The following PPFIA3 variants were observed in gnomAD, a reference collection of about 807,000 sequenced individuals.
PPFIA3 encodes the protein liprin-alpha-3.
In PPFIA3, 26 loss-of-function variants were observed where a neutral mutation model predicts 145.8. That is an observed-to-expected ratio of 0.18 (90% CI 0.13 to 0.25). The LOEUF (loss-of-function observed/expected upper bound fraction) is 0.25, where lower values mean the gene tolerates loss of function less well. Ranked by LOEUF, PPFIA3 falls within the 10% of genes least tolerant of loss-of-function variation. PPFIA3 has a pLI of 1.00. For synonymous variants in PPFIA3, 645 were observed against 661.4 expected, an observed-to-expected ratio of 0.98 and a Z score of 0.38; for missense variants, 1,008 against 1,587.8, an observed-to-expected ratio of 0.63 and a Z score of 6.21.
intron 13 of PPFIA3, among the ~76,000 whole-genome samples, chr19:49,135,218 T>C (rs990437457): frequency 3.3e-5 from 5 of 151,834 alleles, no homozygotes; most frequent in South Asian, 2.1e-4. Flanking sequence ...ATTTTTGTAG[T>C]TTTAGTAGAC....
chr19:49,145,806 C>G (rs2041272970), intron 21 of PPFIA3, 137 bp from the exon 22 acceptor site: 2 of 765,136 alleles, frequency 2.6e-6, no homozygotes, highest in East Asian at 2.5e-5. Context: ...AGAATCATTC[C>G]TTTTCTCTGT....
chr19:49,150,281 C>G lies in PPFIA3; in HGVS notation c.*59C>G, dbSNP rs2041331990. On this transcript the variant is annotated 3_prime_UTR_variant, in exon 30 of 30. Coordinates refer to ENST00000334186, the MANE Select transcript of PPFIA3 (RefSeq NM_003660.4). ...GAATCTTCCCGAGGCTGGGCTGTTC[C>G]CTCTCCTGCCCGGACTGTGGCCTCG... The G allele has an allele frequency of 1.1e-6, 1 of 883,848 alleles. No homozygotes were observed. The highest frequency in any genetic ancestry group is 1.7e-5 in the African/African-American group (1 of 59,404). 54.8% of individuals were successfully genotyped at this position (883,848 alleles called of 1,614,324 possible). A position where few individuals can be genotyped will look rare whatever the true frequency, so the allele number is the denominator to read the frequency against.
At chr19:49,142,329 T>A (rs1054110030) in intron 20 of PPFIA3, among the ~76,000 whole-genome samples, 6 of 152,154 alleles carry the variant, frequency 3.9e-5, no homozygotes, top group African/African-American at 1.4e-4. Context: ...CACTCTGGCC[T>A]TGCCCACCTG....
rs773476760 is a variant in PPFIA3 at position 49,128,050 on chromosome 19, G to A, written c.177G>A (p.Arg59=). The A allele has an allele frequency of 2.0e-5, 32 of 1,594,902 alleles. No individual in the cohort carries two copies. The highest frequency in any genetic ancestry group is 2.5e-5 in the Non-Finnish European group (30 of 1,178,244). Residue 59 remains arginine (R), a synonymous_variant, in exon 2 of 30, where the codon CGG becomes CGA. Coordinates refer to ENST00000334186, the MANE Select transcript of PPFIA3 (RefSeq NM_003660.4). This position sits in a 1 kb window ranked among gnomAD's most constrained non-coding sequence, Gnocchi z 4.1. ...AQDGLATAQL[R]LRELGHEKDS... ...ACGGGTTGGCTACAGCGCAGCTGCG[G>A]CTGCGCGAGCTCGGCCACGAGAAGG... is the stretch of plus-strand genomic sequence containing the variant.
At chr19:49,124,849 A>G (rs1215816520) in intron 1 of PPFIA3, among the ~76,000 whole-genome samples, 1 of 152,010 alleles carries the variant, frequency 6.6e-6, no homozygotes, top group Non-Finnish European at 1.5e-5. Flanking sequence ...GTGGATCACG[A>G]GGTCAGGAGA....
chr19:49,128,783 CTT>C lies in PPFIA3; in HGVS notation c.343-61_343-60del. Reference sequence around the variant, plus strand: ...CCATGTGTCCGCCCTACCTGTCACCCTTTTTCTCACATCTGCCCCTTTTCCCT... The same window carrying C: ...CCATGTGTCCGCCCTACCTGTCACCCTTTCTCACATCTGCCCCTTTTCCCT... On this transcript the variant is annotated intron_variant, in intron 3 of 29. Coordinates refer to ENST00000334186, the MANE Select transcript of PPFIA3 (RefSeq NM_003660.4). This position sits in a 1 kb window ranked among gnomAD's most constrained non-coding sequence, Gnocchi z 4.1. 1 of 1,448,658 alleles carries C rather than the reference CTT, an allele frequency of 6.9e-7. No homozygotes were observed. The highest frequency in any genetic ancestry group is 9.3e-7 in the Non-Finnish European group (1 of 1,075,000). The allele number at this position is 1,448,658 out of a possible 1,614,324, so 89.7% of individuals were successfully genotyped here.
chr19:49,128,577 C>G lies in PPFIA3; in HGVS notation c.342+109C>G, dbSNP rs998820404. 3.8e-6 allele frequency: 4 copies of G among 1,054,214 alleles called. No individual in the cohort carries two copies. Among genetic ancestry groups the G allele is most frequent in the Non-Finnish European group, 5.6e-6 (4 of 711,594 alleles). The allele number at this position is 1,054,214 out of a possible 1,614,324, so 65.3% of individuals were successfully genotyped here. On this transcript the variant is annotated intron_variant, in intron 3 of 29. Transcript: ENST00000334186. This position sits in a 1 kb window ranked among gnomAD's most constrained non-coding sequence, Gnocchi z 4.1. ...CGTGACCTATTTTTTTCCCCCATCTCGCCTTTCTGTCTTCTCCTCTTCCCT... is the reference window on the plus strand; with the variant it reads ...CGTGACCTATTTTTTTCCCCCATCTGGCCTTTCTGTCTTCTCCTCTTCCCT...
chr19:49,150,264 C>A lies in PPFIA3; in HGVS notation c.*42C>A. The A allele has an allele frequency of 9.6e-7, 1 of 1,036,638 alleles. No individual in the cohort carries two copies. Among genetic ancestry groups the A allele is most frequent in the Non-Finnish European group, 1.4e-6 (1 of 715,310 alleles). The allele number at this position is 1,036,638 out of a possible 1,614,324, so 64.2% of individuals were successfully genotyped here. A position where few individuals can be genotyped will look rare whatever the true frequency, so the allele number is the denominator to read the frequency against. On this transcript the variant is annotated 3_prime_UTR_variant, in exon 30 of 30. Coordinates refer to ENST00000334186, the MANE Select transcript of PPFIA3 (RefSeq NM_003660.4). ...ACCTCACTCGGACGGAAGAATCTTC[C>A]CGAGGCTGGGCTGTTCCCTCTCCTG...
chr19:49,150,095 G>T lies in PPFIA3; in HGVS notation c.3542G>T (p.Ser1181Ile). The T allele has an allele frequency of 6.2e-7, 1 of 1,610,658 alleles. No homozygotes were observed. Among genetic ancestry groups the T allele is most frequent in the Non-Finnish European group, 8.5e-7 (1 of 1,178,822 alleles). Reference protein sequence around the residue: ...KLQPEGQTSGSSRADGVSVRT... With the variant: ...KLQPEGQTSGISRADGVSVRT... ...CTCCCTCCAGGCCAGACTTCTGGGAGTTCCCGGGCAGACGGCGTTTCGGTC... is the reference window on the plus strand; with the variant it reads ...CTCCCTCCAGGCCAGACTTCTGGGATTTCCCGGGCAGACGGCGTTTCGGTC... The change falls in exon 29 of 30, where the codon AGT becomes ATT. Residue 1181 changes from serine (S) to isoleucine (I), a missense_variant. Coordinates refer to ENST00000334186, the MANE Select transcript of PPFIA3 (RefSeq NM_003660.4).
chr19:49,143,051 G>C, intron 21 of PPFIA3, 47 bp downstream of exon 21: 1 of 1,578,138 alleles, frequency 6.3e-7, no homozygotes, highest in South Asian at 1.1e-5. Context: ...TCAGAGCCCC[G>C]CCTCTTGCCC....
intron 18 of PPFIA3, among the ~76,000 whole-genome samples, chr19:49,141,090 A>G (rs1437670536): frequency 1.3e-5 from 2 of 152,180 alleles, no homozygotes; most frequent in Non-Finnish European, 2.9e-5. Context: ...TGGTAGCTTG[A>G]AATTGGCCAT....
Position 49,138,926 on chromosome 19 carries a change from G to T in PPFIA3, c.2076+499G>T, listed in dbSNP as rs2122605435. On this transcript the variant is annotated intron_variant, in intron 16 of 29. Transcript: ENST00000334186. ...GCAGAGTTTGCAGTGAGTTGAAATT[G>T]TGCCACTGCACTCCAACCTGGGAGA... is the stretch of plus-strand genomic sequence containing the variant. Among the ~76,000 whole-genome samples the T allele has an allele frequency of 1.3e-5, 2 of 151,834 alleles. 1 individual carries two copies. The highest frequency in any genetic ancestry group is 4.2e-4 in the South Asian group (2 of 4,810).
chr19:49,129,335 C>T (rs1281431967), intron 4 of PPFIA3, 45 bp from the exon 5 acceptor site: 1 of 1,542,380 alleles, frequency 6.5e-7, no homozygotes, highest in Admixed American at 2.0e-5. Flanking sequence ...CTGTCCTAAA[C>T]TGGATCTTGT....
rs539850901 is a variant in PPFIA3, at chr19:49,129,755, A to G, written c.583-238A>G. On this transcript the variant is annotated intron_variant, in intron 5 of 29. Coordinates refer to ENST00000334186, the MANE Select transcript of PPFIA3 (RefSeq NM_003660.4). ...TGGGGAAAAGCGGGGCTAAAGCGGAAACTTTGTCCAGGAGGCTAAGGGGAA... is the reference window on the plus strand; with the variant it reads ...TGGGGAAAAGCGGGGCTAAAGCGGAGACTTTGTCCAGGAGGCTAAGGGGAA... 1.2e-4 allele frequency among the ~76,000 whole-genome samples: 18 copies of G among 152,278 alleles called. No homozygotes were observed. The East Asian group carries it at 2.7e-3, about 23-fold the overall frequency.
intron 1 of PPFIA3, among the ~76,000 whole-genome samples, chr19:49,121,309 C>CTATT (rs148221402): frequency 0.02 from 3,038 of 152,058 alleles, 76 homozygotes; most frequent in African/African-American, 0.055. Flanking sequence ...TTCTTTCTTT[C>CTATT]TATTTATTTA....
chr19:49,136,645 G>T, intron 14 of PPFIA3, 79 bp from the exon 15 acceptor site: 1 of 1,027,228 alleles, frequency 9.7e-7, no homozygotes. Flanking sequence ...GGTCGGGCAA[G>T]TCAGGATCAT....
intron 7 of PPFIA3, among the ~76,000 whole-genome samples, chr19:49,132,304 G>A (rs1275941890): frequency 2.2e-5 from 3 of 138,376 alleles, no homozygotes; most frequent in African/African-American, 8.3e-5. Flanking sequence ...CAGGAGAATC[G>A]TTTGAACCCA....
chr19:49,149,552 C>T lies in PPFIA3; in HGVS notation c.3360C>T (p.Ser1120=). Residue 1120 remains serine, a synonymous_variant, in exon 28 of 30, where the codon AGC becomes AGT. Transcript: ENST00000334186. This position sits in a 1 kb window ranked among gnomAD's most constrained non-coding sequence, Gnocchi z 5.7. ...LGTDRRLDED[S]AKSFSRSPSW... is the part of the protein sequence containing the mutation. ...TGTCCGGCTCCTATACCTAGGACAG[C>T]GCCAAGTCTTTCAGCCGCTCCCCAT... is the stretch of plus-strand genomic sequence containing the variant. The T allele has an allele frequency of 6.2e-7, 1 of 1,614,156 alleles. No individual in the cohort carries two copies.
chr19:49,129,272 C>T (rs985179620), intron 4 of PPFIA3, 108 bp from the exon 5 acceptor site: 1 of 1,191,438 alleles, frequency 8.4e-7, no homozygotes, highest in Admixed American at 2.5e-5. Context: ...GAGACAGGAG[C>T]CCCAACGCTG....
Sources: allele counts gnomAD v4.1 joint callset (sites outside exome capture counted in the v4.1 genomes callset), GRCh38; gene constraint gnomAD v4.1.1; non-coding constraint Gnocchi (gnomAD v3.1); transcripts MANE v1.5; gene names NCBI Gene and HGNC (gene_info 2026-07-23, HGNC 2026-07-21).